GSG1L: variants seen among roughly 807,000 people sequenced by gnomAD.
GSG1L encodes GSG1 like.
GSG1L carries 24 observed loss-of-function variants against 42.1 expected under a neutral mutation model. That is an observed-to-expected ratio of 0.57 (90% CI 0.41 to 0.80). GSG1L has a LOEUF of 0.80. Among genes scored for constraint, GSG1L ranks in the 30% least tolerant of loss-of-function variants. GSG1L has a pLI of 0.00. For synonymous variants in GSG1L, 215 were observed against 203.5 expected (o/e 1.06, Z -0.48); for missense variants, 445 against 472.2 (o/e 0.94, Z 0.53).
intron 6 of GSG1L, among the ~76,000 whole-genome samples, chr16:27,792,222 G>A (rs1388254626): frequency 6.6e-6 from 1 of 152,168 alleles, no homozygotes; most frequent in Non-Finnish European, 1.5e-5. Flanking sequence ...GATATTAGAA[G>A]GGGAACAAGA....
At chr16:28,022,357 A>G (rs2085854365) in intron 1 of GSG1L, among the ~76,000 whole-genome samples, 1 of 152,138 alleles carries the variant, frequency 6.6e-6, no homozygotes, top group African/African-American at 2.4e-5. Flanking sequence ...ACAAGGTCTC[A>G]CTCTGTCACC....
intron 1 of GSG1L, among the ~76,000 whole-genome samples, chr16:28,032,778 G>A (rs1158470009): frequency 2.0e-5 from 3 of 152,104 alleles, no homozygotes; most frequent in Non-Finnish European, 4.4e-5. Context: ...CATCCAATTT[G>A]TCAGCAGATC....
intron 3 of GSG1L, among the ~76,000 whole-genome samples, chr16:27,851,654 C>T (rs896783505): frequency 1.2e-4 from 18 of 152,324 alleles, no homozygotes; most frequent in African/African-American, 3.8e-4. Flanking sequence ...TGCAGAAATG[C>T]ATGCGGCTCT....
rs183451140 is a variant in GSG1L at position 28,032,270 on chromosome 16, C to T, written c.349+30806G>A. ...CTTAGATTAGGTAAAGCCACTGAAACAAGTAAGAAAGCCTCTAGGATCCAA... is the reference window on the plus strand; with the variant it reads ...CTTAGATTAGGTAAAGCCACTGAAATAAGTAAGAAAGCCTCTAGGATCCAA... On this transcript the variant is annotated intron_variant, in intron 1 of 6. Coordinates refer to ENST00000447459, the MANE Select transcript of GSG1L (RefSeq NM_001109763.2). Among the ~76,000 whole-genome samples the T allele has an allele frequency of 6.8e-4, 104 of 152,302 alleles. 1 individual carries two copies. The highest frequency in any genetic ancestry group is 3.9e-4 in the East Asian group (2 of 5,186).
chr16:27,898,054 G>A (rs1243105709), intron 2 of GSG1L, among the ~76,000 whole-genome samples: 4 of 152,208 alleles, frequency 2.6e-5, no homozygotes, highest in African/African-American at 4.8e-5. Flanking sequence ...CTGGCCCCTA[G>A]AGTTCCACAA....
At chr16:27,867,665 C>G (rs1269371007) in intron 3 of GSG1L, among the ~76,000 whole-genome samples, 1 of 152,202 alleles carries the variant, frequency 6.6e-6, no homozygotes, top group East Asian at 1.9e-4. Flanking sequence ...CCACCCAACC[C>G]ACTCCCTGGG....
chr16:27,881,353 T>TAAGTA (rs2141021036), intron 3 of GSG1L, among the ~76,000 whole-genome samples: 1 of 150,790 alleles, frequency 6.6e-6, no homozygotes, highest in African/African-American at 2.4e-5. Flanking sequence ...GTGATTCTCC[T>TAAGTA]GCCTCAGCCT....
chr16:27,800,668 A>C (rs901865830), intron 6 of GSG1L, among the ~76,000 whole-genome samples: 5 of 152,220 alleles, frequency 3.3e-5, no homozygotes, highest in Non-Finnish European at 5.9e-5. Context: ...GCCCCCCAGA[A>C]TAACATCTTT....
intron 2 of GSG1L, among the ~76,000 whole-genome samples, chr16:27,911,286 T>C (rs1567515659): frequency 6.6e-6 from 1 of 150,722 alleles, no homozygotes; most frequent in East Asian, 2.0e-4. Flanking sequence ...TCTCTCTCTC[T>C]CTCTCTCTCC....
At chr16:27,924,713 A>G (rs939476288) in intron 2 of GSG1L, among the ~76,000 whole-genome samples, 1 of 152,242 alleles carries the variant, frequency 6.6e-6, no homozygotes, top group Admixed American at 6.5e-5. Context: ...AAGAAAACTT[A>G]GAAGGAAAAT....
intron 2 of GSG1L, among the ~76,000 whole-genome samples, chr16:27,959,501 G>C (rs1055956916): frequency 1.4e-5 from 2 of 141,178 alleles, no homozygotes; most frequent in Non-Finnish European, 3.1e-5. Flanking sequence ...GAGACAAGAC[G>C]GGAAGGGAGG....
intron 2 of GSG1L, among the ~76,000 whole-genome samples, chr16:27,942,560 T>A (rs573702795): frequency 7.2e-5 from 11 of 152,290 alleles, no homozygotes; most frequent in African/African-American, 2.6e-4. Flanking sequence ...AAAAGACTCC[T>A]ATAAATCGGT....
At chr16:27,800,169 T>C (rs1318922422) in intron 6 of GSG1L, among the ~76,000 whole-genome samples, 1 of 152,202 alleles carries the variant, frequency 6.6e-6, no homozygotes, top group African/African-American at 2.4e-5. Flanking sequence ...GGCATTGATA[T>C]TTATTTTAGA....
intron 5 of GSG1L, among the ~76,000 whole-genome samples, chr16:27,809,414 T>TA (rs1314690663): frequency 6.7e-6 from 1 of 149,892 alleles, no homozygotes; most frequent in East Asian, 2.0e-4. Flanking sequence ...TAGAAAAAAT[T>TA]AAAAAATAAG....
chr16:27,911,879 T>A (rs1230325974), intron 2 of GSG1L, among the ~76,000 whole-genome samples: 1 of 152,248 alleles, frequency 6.6e-6, no homozygotes, highest in African/African-American at 2.4e-5. Context: ...GACTGACAAC[T>A]TACTTTTTTG....
intron 1 of GSG1L, among the ~76,000 whole-genome samples, chr16:28,046,101 G>A (rs949348003): frequency 5.3e-5 from 8 of 152,122 alleles, no homozygotes; most frequent in Admixed American, 5.2e-4. Flanking sequence ...AGGATTTCAG[G>A]AAAAATATTA....
chr16:28,022,307 T>G (rs1247224118), intron 1 of GSG1L, among the ~76,000 whole-genome samples: 1 of 152,130 alleles, frequency 6.6e-6, no homozygotes, highest in East Asian at 1.9e-4. Flanking sequence ...CATCTTTTTT[T>G]AATGCACTTT....
intron 2 of GSG1L, among the ~76,000 whole-genome samples, chr16:27,913,395 C>T (rs957474770): frequency 5.3e-5 from 8 of 152,082 alleles, no homozygotes; most frequent in African/African-American, 1.9e-4. Context: ...ATGGTAATGA[C>T]GTTTTGCTTA....
chr16:27,869,050 G>A (rs1432840527), intron 3 of GSG1L, among the ~76,000 whole-genome samples: 2 of 152,250 alleles, frequency 1.3e-5, no homozygotes, highest in Non-Finnish European at 2.9e-5. Flanking sequence ...GAGGAAGGCA[G>A]ATGTGAGTGC....
Sources: allele counts gnomAD v4.1 joint callset (sites outside exome capture counted in the v4.1 genomes callset), GRCh38; gene constraint gnomAD v4.1.1; transcripts MANE v1.5; gene names NCBI Gene and HGNC (gene_info 2026-07-23, HGNC 2026-07-21).